The following MEI4 variants were observed in gnomAD, a reference collection of about 807,000 sequenced individuals.
The protein encoded by MEI4 is meiotic double-stranded break formation protein 4, also known as meiosis-specific protein MEI4.
Under a neutral mutation model 31.4 loss-of-function variants are expected in MEI4, and 27 were observed. The observed-to-expected ratio is 0.86, with a 90% CI of 0.63 to 1.19. The LOEUF is 1.19. Ranked by LOEUF, MEI4 falls within the 50% of genes most tolerant of loss-of-function variation. The probability of loss-of-function intolerance (pLI) is 0.00; values close to 1 mark genes in which losing one functional copy is unlikely to be tolerated. For synonymous variants in MEI4, 122 were observed against 145.4 expected (o/e 0.84, Z 1.16); for missense variants, 329 against 398.9 (o/e 0.82, Z 1.49).
At chr6:77,689,890 C>G (rs1562206909) in intron 1 of MEI4, among the ~76,000 whole-genome samples, 1 of 151,906 alleles carries the variant, frequency 6.6e-6, no homozygotes, top group Non-Finnish European at 1.5e-5. Context: ...TCTAATAAAG[C>G]CTGGAGGAGG....
At position 77,829,058 on chromosome 6, in the gene MEI4, A is replaced by G. The variant is rs1032230958; in HGVS notation, c.896A>G (p.Asn299Ser). 10 of 1,231,688 alleles carry G rather than the reference A, an allele frequency of 8.1e-6. No homozygotes were observed. The highest frequency in any genetic ancestry group is 8.4e-5 in the Admixed American group (2 of 23,684). 76.3% of individuals were successfully genotyped at this position (1,231,688 alleles called of 1,614,324 possible). A position where few individuals can be genotyped will look rare whatever the true frequency, so the allele number is the denominator to read the frequency against. The change falls in exon 4 of 5, where the codon AAT becomes AGT. Residue 299 changes from asparagine to serine, a missense_variant. Transcript: ENST00000684080. ...NGFADDLGAINQEQASYDVSR... is the reference protein window; with the variant it reads ...NGFADDLGAISQEQASYDVSR... Reference sequence around the variant, plus strand: ...TTTGCTGATGATCTGGGAGCCATCAATCAGGTACACATAACTTGAAACTGT... The same window carrying G: ...TTTGCTGATGATCTGGGAGCCATCAGTCAGGTACACATAACTTGAAACTGT...
chr6:77,735,119 T>C (rs1767147612), intron 2 of MEI4, among the ~76,000 whole-genome samples: 1 of 151,978 alleles, frequency 6.6e-6, no homozygotes, highest in African/African-American at 2.4e-5. Flanking sequence ...GTCTTGGAGT[T>C]GCTCTTCTCG....
Position 77,924,844 on chromosome 6 carries a change from G to A in MEI4, c.*1498G>A, listed in dbSNP as rs1766808244. 6.6e-6 allele frequency: 1 copy of A among 151,908 alleles called. No individual in the cohort carries two copies. The highest frequency in any genetic ancestry group is 1.5e-5 in the Non-Finnish European group (1 of 67,916). The allele number at this position is 151,908 out of a possible 1,614,324, so 9.4% of individuals were successfully genotyped here. On this transcript the variant is annotated 3_prime_UTR_variant, in exon 5 of 5. Coordinates refer to ENST00000684080, the MANE Select transcript of MEI4 (RefSeq NM_001322247.2). Reference sequence around the variant, plus strand: ...GTGACTGACAGGGGAGTAGACTTGAGTGGGAGAACTTGCAGTTACAGGGCA... The same window carrying A: ...GTGACTGACAGGGGAGTAGACTTGAATGGGAGAACTTGCAGTTACAGGGCA...
chr6:77,707,447 G>A (rs1766358069), intron 2 of MEI4, among the ~76,000 whole-genome samples: 1 of 152,140 alleles, frequency 6.6e-6, no homozygotes, highest in South Asian at 2.1e-4. Context: ...ACATTTAAAG[G>A]GGAAGCAGAG....
At chr6:77,705,272 CAGT>C (rs1404742908) in intron 2 of MEI4, among the ~76,000 whole-genome samples, 1 of 152,078 alleles carries the variant, frequency 6.6e-6, no homozygotes, top group African/African-American at 2.4e-5. Context: ...CACTGGAAAC[CAGT>C]AGAAAACCTT....
chr6:77,852,537 AT>A (rs1299885193), intron 4 of MEI4, among the ~76,000 whole-genome samples: 1 of 144,660 alleles, frequency 6.9e-6, no homozygotes, highest in African/African-American at 2.6e-5. Context: ...ACCAACTTTT[AT>A]TTTTTTGCTT....
Position 77,923,241 on chromosome 6 carries a change from T to A in MEI4, c.1053T>A (p.Asp351Glu). 1 of 1,230,536 alleles carries A rather than the reference T, an allele frequency of 8.1e-7. No homozygotes were observed. The highest frequency in any genetic ancestry group is 4.1e-5 in the South Asian group (1 of 24,308). The allele number at this position is 1,230,536 out of a possible 1,614,324, so 76.2% of individuals were successfully genotyped here. A position where few individuals can be genotyped will look rare whatever the true frequency, so the allele number is the denominator to read the frequency against. ...TCAAGAAATTTCTTCAGAAGCATGATGAAACTATTTTCCAACTTTCTGATG... is the reference window on the plus strand; with the variant it reads ...TCAAGAAATTTCTTCAGAAGCATGAAGAAACTATTTTCCAACTTTCTGATG... ...QEIKKFLQKHDETIFQLSDAF... is the reference protein window; with the variant it reads ...QEIKKFLQKHEETIFQLSDAF... Residue 351 changes from aspartate (D) to glutamate (E), a missense_variant, in exon 5 of 5, where the codon GAT (aspartate) becomes GAA (glutamate). Coordinates refer to ENST00000684080, the MANE Select transcript of MEI4 (RefSeq NM_001322247.2).
chr6:77,911,077 G>A (rs773409478), intron 4 of MEI4, among the ~76,000 whole-genome samples: 1 of 151,856 alleles, frequency 6.6e-6, no homozygotes, highest in Non-Finnish European at 1.5e-5. Flanking sequence ...CCTAAGGCAT[G>A]TTGGTTCATG....
intron 3 of MEI4, among the ~76,000 whole-genome samples, chr6:77,790,452 G>T (rs536108831): frequency 1.3e-3 from 198 of 151,300 alleles, no homozygotes; most frequent in African/African-American, 4.7e-3. Flanking sequence ...TTACCTATTG[G>T]GTACAGTGTT....
chr6:77,881,123 A>C (rs1030240685), intron 4 of MEI4, among the ~76,000 whole-genome samples: 4 of 151,782 alleles, frequency 2.6e-5, no homozygotes, highest in African/African-American at 9.7e-5. Context: ...GCCTTTTTTA[A>C]ATCACTTTAG....
chr6:77,823,091 ATTC>A (rs1472871381), intron 3 of MEI4, among the ~76,000 whole-genome samples: 4 of 152,232 alleles, frequency 2.6e-5, no homozygotes, highest in South Asian at 2.1e-4. Flanking sequence ...GTTTTGTCCT[ATTC>A]TTTAGAATTA....
intron 4 of MEI4, among the ~76,000 whole-genome samples, chr6:77,916,766 CTT>C (rs56828507): frequency 4.8e-4 from 71 of 149,070 alleles, no homozygotes; most frequent in Middle Eastern, 3.5e-3. Context: ...ACCTCTAATT[CTT>C]TTTTTTTTTT....
chr6:77,869,143 C>G (rs1017017367), intron 4 of MEI4, among the ~76,000 whole-genome samples: 4 of 152,056 alleles, frequency 2.6e-5, no homozygotes, highest in Non-Finnish European at 5.9e-5. Context: ...CTTCCTGGGC[C>G]TTACATTCCA....
At chr6:77,760,226 A>G (rs562759770) in intron 2 of MEI4, among the ~76,000 whole-genome samples, 2 of 151,174 alleles carry the variant, frequency 1.3e-5, no homozygotes, top group South Asian at 4.2e-4. Context: ...ATATACATAT[A>G]TATACACACA....
intron 2 of MEI4, among the ~76,000 whole-genome samples, chr6:77,695,333 T>A (rs1765997921): frequency 6.6e-6 from 1 of 151,320 alleles, no homozygotes; most frequent in African/African-American, 2.4e-5. Context: ...CATGAAGTCC[T>A]TGCCCATGCC....
intron 4 of MEI4, among the ~76,000 whole-genome samples, chr6:77,896,685 A>C (rs1453266901): frequency 2.0e-5 from 3 of 152,134 alleles, no homozygotes; most frequent in African/African-American, 7.2e-5. Context: ...TAATCAATTC[A>C]TATTTAGATT....
At position 77,924,403 on chromosome 6, in the gene MEI4, A is replaced by AGAT. The variant is rs1766795210; in HGVS notation, c.*1058_*1060dup. 6.6e-6 allele frequency: 1 copy of AGAT among 151,906 alleles called. No individual in the cohort carries two copies. The highest frequency in any genetic ancestry group is 2.1e-4 in the South Asian group (1 of 4,832). The allele number at this position is 151,906 out of a possible 1,614,324, so 9.4% of individuals were successfully genotyped here. A position where few individuals can be genotyped will look rare whatever the true frequency, so the allele number is the denominator to read the frequency against. ...GGAATTATTTCTAGCATTTTTGAAAAGATAATGCCTTTTTGATAATCCTGA... is the reference window on the plus strand; with the variant it reads ...GGAATTATTTCTAGCATTTTTGAAAAGATGATAATGCCTTTTTGATAATCCTGA... On this transcript the variant is annotated 3_prime_UTR_variant, in exon 5 of 5. Coordinates refer to ENST00000684080, the MANE Select transcript of MEI4 (RefSeq NM_001322247.2).
chr6:77,813,777 T>A (rs1345308066), intron 3 of MEI4, among the ~76,000 whole-genome samples: 5 of 152,160 alleles, frequency 3.3e-5, no homozygotes, highest in Non-Finnish European at 7.4e-5. Context: ...CTGCCATTTA[T>A]TTTTTAACCT....
At chr6:77,796,461 C>G (rs1035361962) in intron 3 of MEI4, among the ~76,000 whole-genome samples, 1 of 151,984 alleles carries the variant, frequency 6.6e-6, no homozygotes, top group Admixed American at 6.6e-5. Context: ...ATATAGAACA[C>G]CCTAAAAATG....
Sources: allele counts gnomAD v4.1 joint callset (sites outside exome capture counted in the v4.1 genomes callset), GRCh38; gene constraint gnomAD v4.1.1; transcripts MANE v1.5; gene names NCBI Gene and HGNC (gene_info 2026-07-23, HGNC 2026-07-21).